The following SMS variants were observed in gnomAD, a reference collection of about 807,000 sequenced individuals.
SMS encodes spermine synthase, also known as spermidine aminopropyltransferase.
A neutral mutation model predicts 33.0 loss-of-function variants in SMS; 3 were observed. The ratio of observed to expected loss-of-function variants is 0.09; its 90% CI spans 0.04 to 0.23. SMS has a LOEUF of 0.23. SMS is among the 10% of genes least tolerant of loss of function. The probability of loss-of-function intolerance (pLI) is 1.00; values close to 1 mark genes in which losing one functional copy is unlikely to be tolerated. For synonymous variants in SMS, 103 were observed against 112.2 expected (o/e 0.92, Z 0.52); for missense variants, 117 against 288.6 (o/e 0.41, Z 4.31).
chrX:21,956,446 G>A (rs1922974565), intron 1 of SMS, among the ~76,000 whole-genome samples: 1 of 110,823 alleles, frequency 9.0e-6, no homozygotes, highest in Admixed American at 9.6e-5. Context: ...ACTGCACCTG[G>A]CTAATTTTTT....
intron 7 of SMS, 46 bp from the exon 8 acceptor site, chrX:21,984,258 A>T: frequency 1.2e-6 from 1 of 801,504 alleles, no homozygotes; most frequent in Non-Finnish European, 1.9e-6. Context: ...TTGTTTAACT[A>T]CATCCACATG....
intron 1 of SMS, among the ~76,000 whole-genome samples, chrX:21,960,235 G>T (rs1353400011): frequency 1.8e-5 from 2 of 110,634 alleles, no homozygotes; most frequent in Non-Finnish European, 3.8e-5. Flanking sequence ...TTCTGGGAGA[G>T]ACCTAGGAGG....
intron 1 of SMS, among the ~76,000 whole-genome samples, chrX:21,945,373 G>A (rs777871738): frequency 3.6e-5 from 4 of 111,615 alleles, no homozygotes; most frequent in Admixed American, 1.9e-4. Context: ...TATGATTTGT[G>A]CAGGGACACA....
chrX:21,978,729 TAA>T (rs1924706735), intron 6 of SMS, 146 bp from the exon 7 acceptor site: 3 of 517,941 alleles, frequency 5.8e-6, no homozygotes, highest in South Asian at 5.3e-5. Flanking sequence ...AGTGTGAAAA[TAA>T]AGTCACTGCC....
chrX:21,949,265 C>T (rs1451637918), intron 1 of SMS, among the ~76,000 whole-genome samples: 2 of 112,218 alleles, frequency 1.8e-5, no homozygotes, highest in African/African-American at 6.5e-5. Flanking sequence ...ACTAAAATCC[C>T]ACACACTGTG....
chrX:21,992,106 T>C (rs186523750), intron 9 of SMS, among the ~76,000 whole-genome samples: 17 of 112,505 alleles, frequency 1.5e-4, no homozygotes, highest in Admixed American at 2.8e-4. Context: ...TTTTGTTCTC[T>C]TATACACAGA....
chrX:21,980,955 G>A lies in SMS; in HGVS notation c.750+1989G>A, dbSNP rs887817457. On this transcript the variant is annotated intron_variant, in intron 7 of 10. Coordinates refer to ENST00000404933, the MANE Select transcript of SMS (RefSeq NM_004595.5). ...TAACAAGAATGGTATTGTGAGACTG[G>A]TATGAATTATGTTAAGATGTTATTG... Among the ~76,000 whole-genome samples, 15 of 111,860 alleles carry A rather than the reference G, an allele frequency of 1.3e-4. No individual in the cohort carries two copies. The Admixed American group carries it at 1.4e-3, about 11-fold the overall frequency.
chrX:21,959,611 A>G (rs1410333559), intron 1 of SMS, among the ~76,000 whole-genome samples: 2 of 113,025 alleles, frequency 1.8e-5, no homozygotes, highest in Non-Finnish European at 3.7e-5. Context: ...AACCACCACT[A>G]GTATCAAGAT....
At position 21,972,552 on chromosome X, in the gene SMS, A is replaced by T. The variant is rs767100593; in HGVS notation, c.310A>T (p.Ser104Cys). Residue 104 changes from serine (S) to cysteine (C), a missense_variant, in exon 4 of 11, where the codon AGT becomes TGT. Coordinates refer to ENST00000404933, the MANE Select transcript of SMS (RefSeq NM_004595.5). ...AAGAATGAAAGAATTGAGTCAGGACAGTACTGGGCGGGTGAAACGGTAAGT... is the reference window on the plus strand; with the variant it reads ...AAGAATGAAAGAATTGAGTCAGGACTGTACTGGGCGGGTGAAACGGTAAGT... ...EERMKELSQD[S>C]TGRVKRLPPI... 1.7e-6 allele frequency: 2 copies of T among 1,185,262 alleles called. No individual in the cohort carries two copies. Among genetic ancestry groups the T allele is most frequent in the Non-Finnish European group, 2.3e-6 (2 of 871,346 alleles).
At position 21,971,828 on chromosome X, in the gene SMS, C is replaced by G. The variant is rs1341499979; in HGVS notation, c.171-69C>G. On this transcript the variant is annotated intron_variant, in intron 2 of 10. Transcript: ENST00000404933. ...GGTCTTTTAATTGGGTGACATCTCT[C>G]TCTCTCTCTCTTTTTTTTTTAATGC... is the stretch of plus-strand genomic sequence containing the variant. The G allele has an allele frequency of 1.8e-5, 13 of 719,716 alleles. No homozygotes were observed. The Admixed American group carries it at 2.8e-4, about 15-fold the overall frequency. 59.3% of individuals were successfully genotyped at this position (719,716 alleles called of 1,213,427 possible).
intron 1 of SMS, among the ~76,000 whole-genome samples, chrX:21,952,645 C>T (rs1922694495): frequency 9.0e-6 from 1 of 110,541 alleles, no homozygotes; most frequent in South Asian, 3.8e-4. Context: ...ATAGGGAGGC[C>T]TTCCCTTCTG....
At chrX:21,981,429 ATAAG>A (rs1489377363) in intron 7 of SMS, among the ~76,000 whole-genome samples, 1 of 112,328 alleles carries the variant, frequency 8.9e-6, no homozygotes, top group Non-Finnish European at 1.9e-5. Context: ...ATTTGTAAAA[ATAAG>A]TATCTAAGAA....
intron 1 of SMS, among the ~76,000 whole-genome samples, chrX:21,964,727 G>C (rs758257318): frequency 2.1e-4 from 24 of 111,806 alleles, no homozygotes; most frequent in Non-Finnish European, 3.6e-4. Flanking sequence ...CAACTGCTCT[G>C]CTTGACAATT....
chrX:21,958,696 G>A (rs1923138219), intron 1 of SMS, among the ~76,000 whole-genome samples: 1 of 111,952 alleles, frequency 8.9e-6, no homozygotes, highest in Admixed American at 9.4e-5. Context: ...TGTTTTTTGA[G>A]GTAAAGTTTT....
intron 5 of SMS, 54 bp downstream of exon 5, chrX:21,977,290 G>T (rs995362240): frequency 9.4e-7 from 1 of 1,064,343 alleles, no homozygotes; most frequent in East Asian, 3.0e-5. Flanking sequence ...TGTGTTGAAT[G>T]ATGGTGTTTT....
At position 21,985,178 on chromosome X, in the gene SMS, C is replaced by T; in HGVS notation, c.900C>T (p.Asp300=). ...GGGAGTTTCTCAGACTGATTCTTGA[C>T]CTCTCAATGAAAGTGTTGAAACAGG... The part of the protein sequence containing the change: ...STWEFLRLIL[D]LSMKVLKQDG... The change falls in exon 9 of 11, where the codon GAC becomes GAT. Residue 300 remains aspartate (D), a synonymous_variant. Transcript: ENST00000404933. 1 of 1,190,631 alleles carries T rather than the reference C, an allele frequency of 8.4e-7. No homozygotes were observed. Among genetic ancestry groups the T allele is most frequent in the Non-Finnish European group, 1.1e-6 (1 of 876,630 alleles).
chrX:21,979,030 G>A, intron 7 of SMS, 64 bp downstream of exon 7: 1 of 839,022 alleles, frequency 1.2e-6, no homozygotes. Flanking sequence ...GATCAGAATT[G>A]TGCCTTATTA....
chrX:21,992,996 G>C (rs763334357), intron 10 of SMS, among the ~76,000 whole-genome samples: 1 of 111,499 alleles, frequency 9.0e-6, no homozygotes, highest in Non-Finnish European at 1.9e-5. Context: ...GTTCTCAAAG[G>C]TGTTGCCAGA....
At chrX:21,983,294 C>T (rs1602218407) in intron 7 of SMS, among the ~76,000 whole-genome samples, 1 of 111,566 alleles carries the variant, frequency 9.0e-6, no homozygotes, top group African/African-American at 3.3e-5. Context: ...CCCACCTCAA[C>T]TTCCCAAAGT....
Sources: gnomAD v4.1 joint callset for allele counts (sites outside exome capture counted in the v4.1 genomes callset) on GRCh38, gnomAD v4.1.1 for gene constraint, MANE v1.5 for transcripts, NCBI Gene and HGNC (gene_info 2026-07-23, HGNC 2026-07-21) for gene names.